The following PCDH11X variants were observed in gnomAD, a reference collection of about 807,000 sequenced individuals.
The protein encoded by PCDH11X is protocadherin 11 X-linked, also known as protocadherin-11 X-linked.
Under a neutral mutation model 53.3 loss-of-function variants are expected in PCDH11X, and 18 were observed. That is an observed-to-expected ratio of 0.34 (90% confidence interval 0.23 to 0.50). PCDH11X has a LOEUF of 0.50. PCDH11X is among the 20% of genes least tolerant of loss of function. The probability of loss-of-function intolerance (pLI) is 0.98; values close to 1 mark genes in which losing one functional copy is unlikely to be tolerated. For missense variants in PCDH11X, 570 were observed against 1,032.4 expected, an observed-to-expected ratio of 0.55 and a Z score of 6.14; for synonymous variants, 279 against 393.3, an observed-to-expected ratio of 0.71 and a Z score of 3.44.
At chrX:92,497,417 A>ATTC (rs1556451567) in intron 10 of PCDH11X, among the ~76,000 whole-genome samples, 1 of 105,349 alleles carries the variant, frequency 9.5e-6, no homozygotes, top group African/African-American at 3.4e-5. Context: ...CTTTGTAAGA[A>ATTC]TTTTTTTTTT....
chrX:92,251,839 T>A (rs2067467173), intron 7 of PCDH11X, among the ~76,000 whole-genome samples: 1 of 110,840 alleles, frequency 9.0e-6, no homozygotes, highest in Non-Finnish European at 1.9e-5. Context: ...TTTAATAAGA[T>A]CATACAGCTA....
At chrX:92,403,871 T>A (rs1156575777) in intron 9 of PCDH11X, among the ~76,000 whole-genome samples, 3 of 111,196 alleles carry the variant, frequency 2.7e-5, no homozygotes, top group Non-Finnish European at 5.7e-5. Flanking sequence ...CTAGTTTGGA[T>A]CATCATTTTC....
At chrX:92,161,414 G>T (rs1261373327) in intron 6 of PCDH11X, among the ~76,000 whole-genome samples, 1 of 111,009 alleles carries the variant, frequency 9.0e-6, no homozygotes, top group Non-Finnish European at 1.9e-5. Context: ...TTCTTTTTTA[G>T]GTTACCTGGT....
intron 7 of PCDH11X, among the ~76,000 whole-genome samples, chrX:92,260,630 C>A (rs1247047154): frequency 9.0e-6 from 1 of 110,584 alleles, no homozygotes; most frequent in Non-Finnish European, 1.9e-5. Flanking sequence ...AATTGTTTTC[C>A]TTTTTGGGGC....
intron 6 of PCDH11X, among the ~76,000 whole-genome samples, chrX:92,038,490 A>G (rs1220753365): frequency 1.8e-5 from 2 of 111,967 alleles, no homozygotes; most frequent in Non-Finnish European, 3.8e-5. Context: ...AGAAGTCAAG[A>G]ATTGAGGTTT....
At chrX:91,831,226 G>A (rs1170021892) in intron 4 of PCDH11X, among the ~76,000 whole-genome samples, 17 of 111,018 alleles carry the variant, frequency 1.5e-4, no homozygotes, top group Non-Finnish European at 2.1e-4. Flanking sequence ...CAACTGTGAT[G>A]TCTTGCTGAT....
intron 10 of PCDH11X, among the ~76,000 whole-genome samples, chrX:92,570,801 T>C (rs1160183104): frequency 9.6e-6 from 1 of 103,779 alleles, no homozygotes; most frequent in Non-Finnish European, 2.0e-5. Context: ...TCAAGTCCAA[T>C]TATTTTTGAT....
At position 91,913,501 on chromosome X, in the gene PCDH11X, C is replaced by G. The variant is rs752101366; in HGVS notation, c.3033+34228C>G. Among the ~76,000 whole-genome samples the G allele has an allele frequency of 9.9e-5, 11 of 111,170 alleles. No individual in the cohort carries two copies. The South Asian group carries it at 2.7e-3, about 27-fold the overall frequency. On this transcript the variant is annotated intron_variant, in intron 6 of 10. Coordinates refer to ENST00000682573, the MANE Select transcript of PCDH11X (RefSeq NM_032968.5). ...GGCCAGGATTGCCTATGGAACATAA[C>G]CCCATTGGCCTGAGAACCACCTCAC...
At chrX:91,956,411 T>C (rs185721092) in intron 6 of PCDH11X, among the ~76,000 whole-genome samples, 1 of 111,882 alleles carries the variant, frequency 8.9e-6, no homozygotes, top group African/African-American at 3.3e-5. Context: ...TTTCCATATT[T>C]AGTGCTTCCT....
At chrX:92,458,061 T>A (rs1207625598) in intron 9 of PCDH11X, among the ~76,000 whole-genome samples, 4 of 108,047 alleles carry the variant, frequency 3.7e-5, no homozygotes, top group African/African-American at 1.3e-4. Flanking sequence ...ATATAAGTAC[T>A]TCTCAAATGA....
intron 10 of PCDH11X, among the ~76,000 whole-genome samples, chrX:92,516,721 G>A (rs2074276978): frequency 8.9e-6 from 1 of 111,975 alleles, no homozygotes; most frequent in Admixed American, 9.5e-5. Flanking sequence ...GTCTTATAAA[G>A]ACTCAGATTT....
At chrX:92,145,350 G>C (rs1237639136) in intron 6 of PCDH11X, among the ~76,000 whole-genome samples, 1 of 110,259 alleles carries the variant, frequency 9.1e-6, no homozygotes, top group Non-Finnish European at 1.9e-5. Context: ...GATTTATTTT[G>C]CTTTGTATGG....
At chrX:91,954,434 C>T (rs921881695) in intron 6 of PCDH11X, among the ~76,000 whole-genome samples, 8 of 111,293 alleles carry the variant, frequency 7.2e-5, no homozygotes, top group African/African-American at 2.6e-4. Context: ...ATGCATGTAT[C>T]TTTATAAGAG....
chrX:92,285,131 ATTG>A (rs2068335937), intron 8 of PCDH11X, among the ~76,000 whole-genome samples: 1 of 108,542 alleles, frequency 9.2e-6, no homozygotes, highest in African/African-American at 3.4e-5. Context: ...CCAGTTTATT[ATTG>A]TTATTATTGT....
At chrX:92,411,121 G>A (rs1225896329) in intron 9 of PCDH11X, among the ~76,000 whole-genome samples, 118 of 107,793 alleles carry the variant, frequency 1.1e-3, no homozygotes, top group Admixed American at 2.9e-3. Flanking sequence ...GCTAATATAA[G>A]ATATGAAGAA....
intron 6 of PCDH11X, among the ~76,000 whole-genome samples, chrX:92,011,251 T>C (rs1288356472): frequency 8.9e-6 from 1 of 111,963 alleles, no homozygotes; most frequent in East Asian, 2.8e-4. Context: ...AGGAATAGGA[T>C]TGCTGGATTG....
At chrX:92,392,309 AATG>A (rs1298312984) in intron 9 of PCDH11X, among the ~76,000 whole-genome samples, 1 of 111,326 alleles carries the variant, frequency 9.0e-6, no homozygotes, top group African/African-American at 3.2e-5. Context: ...TTTTTATTAA[AATG>A]ATGTCTGCTA....
chrX:92,264,802 C>T (rs1360926921), intron 8 of PCDH11X, among the ~76,000 whole-genome samples: 1 of 107,187 alleles, frequency 9.3e-6, no homozygotes, highest in Non-Finnish European at 1.9e-5. Context: ...TAAGTCATGA[C>T]ATTTCAACAT....
intron 4 of PCDH11X, among the ~76,000 whole-genome samples, chrX:91,826,916 A>C (rs1936946407): frequency 9.3e-6 from 1 of 107,528 alleles, no homozygotes. Context: ...ATAGTGCTGC[A>C]GTGAACATTT....
Sources: allele counts gnomAD v4.1 joint callset (sites outside exome capture counted in the v4.1 genomes callset), GRCh38; gene constraint gnomAD v4.1.1; transcripts MANE v1.5; gene names NCBI Gene and HGNC (gene_info 2026-07-23, HGNC 2026-07-21).